The following PBX1 variants were observed in gnomAD, a reference collection of about 807,000 sequenced individuals.
PBX1 encodes PBX homeobox 1, also known as pre-B-cell leukemia transcription factor 1.
In PBX1, 6 loss-of-function variants were observed where a neutral mutation model predicts 53.4. That is an observed-to-expected ratio of 0.11 (90% CI 0.06 to 0.22). The LOEUF is 0.22. PBX1 is among the 10% of genes least tolerant of loss of function. PBX1 has a pLI of 1.00. For missense variants in PBX1, 251 were observed against 551.4 expected, an observed-to-expected ratio of 0.46 and a Z score of 5.46; for synonymous variants, 204 against 212.3, an observed-to-expected ratio of 0.96 and a Z score of 0.34.
intron 2 of PBX1, among the ~76,000 whole-genome samples, chr1:164,782,866 G>A (rs1170725679): frequency 6.6e-6 from 1 of 152,156 alleles, no homozygotes; most frequent in Non-Finnish European, 1.5e-5. Flanking sequence ...TGGCGGAGAA[G>A]GGTGATTGTG....
chr1:164,854,602 T>G (rs1401408782), downstream of PBX1, among the ~76,000 whole-genome samples: 2 of 152,124 alleles, frequency 1.3e-5, no homozygotes, highest in East Asian at 3.9e-4. Flanking sequence ...GTGGTTTTGC[T>G]GACCACCGAG....
chr1:164,703,738 G>A (rs564949478), intron 2 of PBX1, among the ~76,000 whole-genome samples: 6 of 152,184 alleles, frequency 3.9e-5, no homozygotes, highest in Non-Finnish European at 8.8e-5. Flanking sequence ...GAATCCAGGT[G>A]CATGCAGAGA....
rs527713015 is a variant in PBX1 at position 164,730,434 on chromosome 1, A to C, written c.266-62060A>C. Among the ~76,000 whole-genome samples the C allele has an allele frequency of 1.6e-4, 24 of 152,284 alleles. No homozygotes were observed. The East Asian group carries it at 4.4e-3, about 28-fold the overall frequency. ...AATGCTTTATGTGTGATGAGGATGA[A>C]ACAGTTAAGTGCTACTTTCTCATCC... is the stretch of plus-strand genomic sequence containing the variant. On this transcript the variant is annotated intron_variant, in intron 2 of 8. Coordinates refer to ENST00000420696, the MANE Select transcript of PBX1 (RefSeq NM_002585.4).
At chr1:164,739,661 T>G (rs1665492900) in intron 2 of PBX1, among the ~76,000 whole-genome samples, 1 of 152,178 alleles carries the variant, frequency 6.6e-6, no homozygotes, top group East Asian at 1.9e-4. Context: ...CCCCTTGCCT[T>G]TTTTCTTCCT....
intron 2 of PBX1, among the ~76,000 whole-genome samples, chr1:164,704,469 A>C (rs1663311023): frequency 6.6e-6 from 1 of 152,238 alleles, no homozygotes; most frequent in East Asian, 1.9e-4. Context: ...TTTCAGGATA[A>C]GTGCCCTTTG....
intron 2 of PBX1, among the ~76,000 whole-genome samples, chr1:164,637,386 G>C (rs993204081): frequency 2.6e-5 from 4 of 152,170 alleles, no homozygotes; most frequent in African/African-American, 9.7e-5. Flanking sequence ...TTCTTATGTG[G>C]GTCTAGCGTG....
chr1:164,833,347 G>T (rs151271202), intron 8 of PBX1, among the ~76,000 whole-genome samples: 1 of 152,092 alleles, frequency 6.6e-6, no homozygotes, highest in African/African-American at 2.4e-5. Flanking sequence ...ACAGGTTCCC[G>T]AAGTGGCTAG....
intron 2 of PBX1, among the ~76,000 whole-genome samples, chr1:164,645,438 A>G (rs1659396316): frequency 1.3e-5 from 2 of 152,182 alleles, no homozygotes; most frequent in African/African-American, 2.4e-5. Flanking sequence ...TCACAAAAGA[A>G]ATGAATTATG....
chr1:164,779,178 G>T (rs945493406), intron 2 of PBX1, among the ~76,000 whole-genome samples: 3 of 151,614 alleles, frequency 2.0e-5, no homozygotes, highest in Admixed American at 6.6e-5. Flanking sequence ...TTCCATGAAA[G>T]AAAATATGGC....
chr1:164,744,679 A>G (rs1228360365), intron 2 of PBX1, among the ~76,000 whole-genome samples: 4 of 152,182 alleles, frequency 2.6e-5, no homozygotes, highest in Non-Finnish European at 4.4e-5. Flanking sequence ...TCCCATAGGC[A>G]CTGTCTACTC....
intron 2 of PBX1, among the ~76,000 whole-genome samples, chr1:164,610,600 A>G (rs1656853499): frequency 6.6e-6 from 1 of 152,066 alleles, no homozygotes; most frequent in South Asian, 2.1e-4. Flanking sequence ...GGTGGAAACA[A>G]ACAAGCAGAA....
chr1:164,852,429 T>C (rs1383373265), downstream of PBX1, among the ~76,000 whole-genome samples: 1 of 152,182 alleles, frequency 6.6e-6, no homozygotes, highest in East Asian at 1.9e-4. Flanking sequence ...GGTTTCGAAG[T>C]GTTACAGAGT....
chr1:164,868,629 T>C (rs1231571398), intron 2 of PBX1, among the ~76,000 whole-genome samples: 2 of 152,206 alleles, frequency 1.3e-5, no homozygotes, highest in Non-Finnish European at 2.9e-5. Flanking sequence ...AATCTTTGTC[T>C]TCTGTCTCTC....
chr1:164,812,227 T>G, intron 6 of PBX1, 78 bp downstream of exon 6: 1 of 1,340,392 alleles, frequency 7.5e-7, no homozygotes, highest in Non-Finnish European at 1.0e-6. Context: ...CATTGGGATT[T>G]TCTTTTAATT....
At chr1:164,646,331 T>C (rs893554101) in intron 2 of PBX1, among the ~76,000 whole-genome samples, 1 of 152,146 alleles carries the variant, frequency 6.6e-6, no homozygotes, top group Admixed American at 6.5e-5. Flanking sequence ...TTTGGCAAAT[T>C]TAGGTACTGA....
chr1:164,560,475 C>T (rs1476803407), intron 1 of PBX1: 4 of 315,200 alleles, frequency 1.3e-5, no homozygotes, highest in Non-Finnish European at 1.1e-5. Flanking sequence ...TTAGTTGACT[C>T]CTTACCTAAT....
chr1:164,694,147 A>G (rs567131369), intron 2 of PBX1, among the ~76,000 whole-genome samples: 1 of 152,236 alleles, frequency 6.6e-6, no homozygotes, highest in East Asian at 1.9e-4. Context: ...GAAATCACCC[A>G]GTGGACAAAT....
chr1:164,807,230 C>T (rs192544357), intron 4 of PBX1, among the ~76,000 whole-genome samples: 71 of 152,232 alleles, frequency 4.7e-4, no homozygotes, highest in Admixed American at 1.8e-3. Flanking sequence ...GCACTCCAGC[C>T]TGGGTGACAG....
intron 2 of PBX1, among the ~76,000 whole-genome samples, chr1:164,653,471 G>A (rs1659961364): frequency 6.6e-6 from 1 of 152,008 alleles, no homozygotes; most frequent in African/African-American, 2.4e-5. Context: ...CGTGGTGCTG[G>A]GCAAGAGGGA....
Sources: gnomAD v4.1 joint callset for allele counts (sites outside exome capture counted in the v4.1 genomes callset) on GRCh38, gnomAD v4.1.1 for gene constraint, MANE v1.5 for transcripts, NCBI Gene and HGNC (gene_info 2026-07-23, HGNC 2026-07-21) for gene names.